Variants in PC observed in about 807,000 individuals in gnomAD.
PC encodes pyruvate carboxylase, also known as pyruvate carboxylase, mitochondrial.
A neutral mutation model predicts 107.8 loss-of-function variants in PC; 46 were observed. The observed-to-expected ratio is 0.43, with a 90% CI of 0.34 to 0.55. The LOEUF (loss-of-function observed/expected upper bound fraction) is 0.55, where lower values mean the gene tolerates loss of function less well. Ranked by LOEUF, PC falls within the 20% of genes least tolerant of loss-of-function variation. The probability of loss-of-function intolerance (pLI) is 0.04; values close to 1 mark genes in which losing one functional copy is unlikely to be tolerated. For synonymous variants in PC, 662 were observed against 684.7 expected (o/e 0.97, Z 0.52); for missense variants, 1,241 against 1,643.1 (o/e 0.76, Z 4.23).
intron 3 of PC, among the ~76,000 whole-genome samples, chr11:66,917,131 G>A (rs909332540): frequency 2.0e-5 from 3 of 151,692 alleles, no homozygotes; most frequent in African/African-American, 7.3e-5. Context: ...GAGTGCAGTG[G>A]CACCATCTCA....
At chr11:66,864,926 G>A (rs1261444379) in intron 11 of PC, among the ~76,000 whole-genome samples, 1 of 152,222 alleles carries the variant, frequency 6.6e-6, no homozygotes, top group Non-Finnish European at 1.5e-5. Context: ...TCCGCTTCTC[G>A]GGGGCAGAGG....
rs1388064432 is a variant in PC, at chr11:66,945,427, G to GT, written c.-1+7002_-1+7003insA. ...CTGAATTCAAATGGTTTGGGGGGGCGGGTCGGAACTGCAGAGTTACATGAG... is the reference window on the plus strand; with the variant it reads ...CTGAATTCAAATGGTTTGGGGGGGCGTGGTCGGAACTGCAGAGTTACATGAG... On this transcript the variant is annotated intron_variant, in intron 3 of 22. Transcript: ENST00000393960. 2.3e-5 allele frequency among the ~76,000 whole-genome samples: 2 copies of GT among 86,140 alleles called. 1 individual carries two copies. Among genetic ancestry groups the GT allele is most frequent in the Non-Finnish European group, 4.6e-5 (2 of 43,788 alleles). 56.5% of individuals were successfully genotyped at this position (86,140 alleles called of 152,430 possible). A position where few individuals can be genotyped will look rare whatever the true frequency, so the allele number is the denominator to read the frequency against.
At chr11:66,859,488 C>A in intron 12 of PC, 1 of 1,452,712 alleles carries the variant, frequency 6.9e-7, no homozygotes, top group Non-Finnish European at 9.1e-7. Context: ...CCTGGCCACA[C>A]TCTCCAGCCT....
At chr11:66,878,846 G>A (rs1947079499) in intron 3 of PC, among the ~76,000 whole-genome samples, 1 of 152,204 alleles carries the variant, frequency 6.6e-6, no homozygotes, top group Non-Finnish European at 1.5e-5. Flanking sequence ...GGAACAGAGA[G>A]TAGCCTCCTC....
At chr11:66,948,036 T>C (rs1490442321) in intron 3 of PC, among the ~76,000 whole-genome samples, 1 of 146,228 alleles carries the variant, frequency 6.8e-6, no homozygotes, top group Non-Finnish European at 1.5e-5. Flanking sequence ...GATAGATAGA[T>C]AGATAGATAG....
chr11:66,939,749 A>C (rs956828675), intron 3 of PC, among the ~76,000 whole-genome samples: 1 of 142,826 alleles, frequency 7.0e-6, no homozygotes, highest in Non-Finnish European at 1.5e-5. Flanking sequence ...GGTTGCAGCA[A>C]GCCGAGATCG....
In PC at chr11:66,852,357, G is replaced by T; in HGVS notation, c.1825+82C>A. On this transcript the variant is annotated intron_variant, in intron 15 of 22. Coordinates refer to ENST00000393960, the MANE Select transcript of PC (RefSeq NM_001040716.2). This position sits in a 1 kb window ranked among gnomAD's most constrained non-coding sequence, Gnocchi z 4.7. ...TTCTTCGTGTCAGCGTCTCTAGCTT[G>T]TCCCCAGTGGCCTAAGCCTGTGGGA... is the stretch of plus-strand genomic sequence containing the variant. 1 of 1,122,234 alleles carries T rather than the reference G, an allele frequency of 8.9e-7. No homozygotes were observed. The highest frequency in any genetic ancestry group is 1.4e-6 in the Non-Finnish European group (1 of 735,248). 69.5% of individuals were successfully genotyped at this position (1,122,234 alleles called of 1,614,324 possible).
chr11:66,870,215 T>C lies in PC; in HGVS notation c.903+87A>G. On this transcript the variant is annotated intron_variant, in intron 9 of 22. Coordinates refer to ENST00000393960, the MANE Select transcript of PC (RefSeq NM_001040716.2). The surrounding 1 kb of genome is among the most constrained non-coding windows in gnomAD (Gnocchi z 6.1). ...CCAGTCCCCAGAAGGGGACTCAGGG[T>C]CCCCTTCCCCAACCAGCGCCCCACT... 1 of 1,527,144 alleles carries C rather than the reference T, an allele frequency of 6.5e-7. No homozygotes were observed. The highest frequency in any genetic ancestry group is 9.0e-7 in the Non-Finnish European group (1 of 1,113,632). The allele number at this position is 1,527,144 out of a possible 1,614,324, so 94.6% of individuals were successfully genotyped here. A position where few individuals can be genotyped will look rare whatever the true frequency, so the allele number is the denominator to read the frequency against.
chr11:66,947,327 T>C (rs1468002885), intron 3 of PC, among the ~76,000 whole-genome samples: 1 of 151,852 alleles, frequency 6.6e-6, no homozygotes, highest in Non-Finnish European at 1.5e-5. Context: ...CTCATGCCTG[T>C]AATTCCAGCA....
intron 1 of PC, 52 bp downstream of exon 1, chr11:66,958,270 C>T (rs1220585399): frequency 6.6e-6 from 1 of 152,130 alleles, no homozygotes; most frequent in Non-Finnish European, 1.5e-5. Flanking sequence ...CACGTCCACC[C>T]GCTCCGACCC....
intron 3 of PC, among the ~76,000 whole-genome samples, chr11:66,927,708 A>C (rs1298702929): frequency 6.8e-6 from 1 of 148,066 alleles, no homozygotes; most frequent in Admixed American, 6.8e-5. Context: ...GGGCAACAAG[A>C]GCGAAAGTCC....
chr11:66,852,518 C>T lies in PC; in HGVS notation c.1746G>A (p.Val582=). 1 of 1,614,106 alleles carries T rather than the reference C, an allele frequency of 6.2e-7. No homozygotes were observed. Among genetic ancestry groups the T allele is most frequent in the Non-Finnish European group, 8.5e-7 (1 of 1,180,038 alleles). ...DAHQSLLATR[V]RTHDLKKIAP... ...CGATCTTTTTGAGATCGTGGGTGCG[C>T]ACACGAGTGGCCAGCAGTGACTGGT... The change falls in exon 15 of 23, where the codon GTG becomes GTA. Residue 582 remains valine, a synonymous_variant. Coordinates refer to ENST00000393960, the MANE Select transcript of PC (RefSeq NM_001040716.2). The surrounding 1 kb of genome is among the most constrained non-coding windows in gnomAD (Gnocchi z 4.7).
chr11:66,932,662 G>A (rs1274244494), intron 3 of PC, among the ~76,000 whole-genome samples: 1 of 152,256 alleles, frequency 6.6e-6, no homozygotes, highest in East Asian at 1.9e-4. Flanking sequence ...TTTAAACTGT[G>A]TGTTCTCTCC....
chr11:66,854,809 C>T (rs1011769055), intron 12 of PC, among the ~76,000 whole-genome samples: 1 of 152,262 alleles, frequency 6.6e-6, no homozygotes, highest in Non-Finnish European at 1.5e-5. Context: ...GTGCTCACCA[C>T]AGAGTGGGAC....
chr11:66,852,572 C>T lies in PC; in HGVS notation c.1692G>A (p.Leu564=). Residue 564 remains leucine, a synonymous_variant, in exon 15 of 23, where the codon CTG becomes CTA. Transcript: ENST00000393960. The surrounding 1 kb of genome is among the most constrained non-coding windows in gnomAD (Gnocchi z 4.7). ...ARAVRNHPGL[L]LMDTTFRDAH... is the part of the protein sequence containing the mutation. ...CGTCCCTGAAGGTCGTGTCCATCAG[C>T]AGCAGCCCCGGGTGGTTCCGCACAG... 6.2e-7 allele frequency: 1 copy of T among 1,614,060 alleles called. No individual in the cohort carries two copies. Among genetic ancestry groups the T allele is most frequent in the Non-Finnish European group, 8.5e-7 (1 of 1,180,026 alleles).
intron 3 of PC, among the ~76,000 whole-genome samples, chr11:66,950,858 C>T (rs951650923): frequency 1.3e-5 from 2 of 152,104 alleles, no homozygotes; most frequent in Non-Finnish European, 1.5e-5. Context: ...CCCCAACATG[C>T]CCACCTCTCA....
At position 66,866,173 on chromosome 11, in the gene PC, C is replaced by G. The variant is rs375290516; in HGVS notation, c.1185+14G>C. ...AGGTGAGCTGGCATCTCCCTCTGCT[C>G]GAGCTCCGCCCACCTCAATGCGGCC... On this transcript the variant is annotated intron_variant, in intron 11 of 22. Coordinates refer to ENST00000393960, the MANE Select transcript of PC (RefSeq NM_001040716.2). This position sits in a 1 kb window ranked among gnomAD's most constrained non-coding sequence, Gnocchi z 5.4. The G allele has an allele frequency of 2.5e-6, 4 of 1,603,908 alleles. No individual in the cohort carries two copies.
At chr11:66,952,692 G>C (rs113604624) in intron 2 of PC, among the ~76,000 whole-genome samples, 1 of 152,188 alleles carries the variant, frequency 6.6e-6, no homozygotes, top group African/African-American at 2.4e-5. Context: ...ACAGGCATGT[G>C]CCACCACGCC....
Position 66,851,069 on chromosome 11 carries a change from G to A in PC, c.2194C>T (p.Arg732Ter), listed in dbSNP as rs112948607. ...YYMGLAEELV[R>*]AGTHILCIKD... ...ATGCACAGGATGTGGGTGCCAGCTCGCACCAGCTCTTCGGCCAAGCCCATG... is the reference window on the plus strand; with the variant it reads ...ATGCACAGGATGTGGGTGCCAGCTCACACCAGCTCTTCGGCCAAGCCCATG... The change falls in exon 17 of 23, where the codon CGA becomes TGA. Residue 732 changes from arginine to a stop codon, truncating the protein, a stop_gained. Transcript: ENST00000393960. LOFTEE classifies it high-confidence loss of function. 1 of 1,613,062 alleles carries A rather than the reference G, an allele frequency of 6.2e-7. No homozygotes were observed.
Sources: gnomAD v4.1 joint callset for allele counts (sites outside exome capture counted in the v4.1 genomes callset) on GRCh38, gnomAD v4.1.1 for gene constraint, Gnocchi (gnomAD v3.1) non-coding constraint, MANE v1.5 for transcripts, NCBI Gene and HGNC (gene_info 2026-07-23, HGNC 2026-07-21) for gene names.